ROBO2: variants seen among roughly 807,000 people sequenced by gnomAD.
ROBO2 encodes roundabout guidance receptor 2, also known as roundabout homolog 2.
In ROBO2, 53 loss-of-function variants were observed where a neutral mutation model predicts 160.8. The observed-to-expected ratio is 0.33, with a 90% CI of 0.26 to 0.41. The LOEUF is 0.41. Among genes scored for constraint, ROBO2 ranks in the 10% least tolerant of loss-of-function variants. The pLI, the probability that ROBO2 is intolerant of heterozygous loss-of-function variation, is 1.00. For synonymous variants in ROBO2, 664 were observed against 611.7 expected, an observed-to-expected ratio of 1.09 and a Z score of -1.26; for missense variants, 1,577 against 1,722.4, an observed-to-expected ratio of 0.92 and a Z score of 1.49.
At chr3:76,888,460 C>T (rs987839994) in intron 2 of ROBO2, among the ~76,000 whole-genome samples, 6 of 152,022 alleles carry the variant, frequency 3.9e-5, no homozygotes, top group African/African-American at 1.2e-4. Flanking sequence ...AACTTGCTTA[C>T]TATAAATAGG....
intron 1 of ROBO2, chr3:77,092,030 G>T (rs926864361): frequency 6.8e-6 from 1 of 147,446 alleles, no homozygotes; most frequent in African/African-American, 2.5e-5. Flanking sequence ...TAAATAAAAA[G>T]AATCTGTATT....
chr3:75,956,070 G>T (rs1225345209), intron 2 of ROBO2, among the ~76,000 whole-genome samples: 1 of 151,688 alleles, frequency 6.6e-6, no homozygotes, highest in Non-Finnish European at 1.5e-5. Context: ...ATCACTGTTG[G>T]CACATGATAT....
chr3:76,810,200 C>T (rs1183436563), intron 2 of ROBO2, among the ~76,000 whole-genome samples: 1 of 151,926 alleles, frequency 6.6e-6, no homozygotes, highest in Non-Finnish European at 1.5e-5. Flanking sequence ...TATTGGAGGG[C>T]AGAGAAATGT....
At chr3:76,083,925 CCA>C (rs1388358672) in intron 2 of ROBO2, among the ~76,000 whole-genome samples, 1 of 152,054 alleles carries the variant, frequency 6.6e-6, no homozygotes, top group African/African-American at 2.4e-5. Flanking sequence ...AATTTGAAAG[CCA>C]TCCATTGGTA....
chr3:76,311,990 T>A (rs543137986), intron 2 of ROBO2, among the ~76,000 whole-genome samples: 2 of 152,182 alleles, frequency 1.3e-5, no homozygotes, highest in Admixed American at 6.5e-5. Flanking sequence ...TGTTGAAAAA[T>A]TATCGTGAGA....
intron 2 of ROBO2, among the ~76,000 whole-genome samples, chr3:77,318,762 C>T (rs1474526888): frequency 6.6e-6 from 1 of 151,980 alleles, no homozygotes; most frequent in Non-Finnish European, 1.5e-5. Context: ...CAGTAATTGC[C>T]CTGTAAGTTG....
Position 76,023,048 on chromosome 3 carries a change from A to G in ROBO2, c.109+85446A>G, listed in dbSNP as rs2066622156. Among the ~76,000 whole-genome samples, 3 of 151,670 alleles carry G rather than the reference A, an allele frequency of 2.0e-5. No homozygotes were observed. The South Asian group carries it at 6.2e-4, about 31-fold the overall frequency. ...CACCTTGCACTTTTTTTTATTTTGG[A>G]GATGGCTTCTTTCCTTAAAAATTAT... On this transcript the variant is annotated intron_variant, in intron 2 of 26. Coordinates refer to the ROBO2 transcript ENST00000487694.
chr3:76,948,579 ATTTTTTTT>A (rs757654181), intron 2 of ROBO2, among the ~76,000 whole-genome samples: 27 of 93,664 alleles, frequency 2.9e-4, no homozygotes, highest in African/African-American at 4.0e-4. Context: ...TTATAATCTA[ATTTTTTTT>A]TTTTTTTTTT....
At chr3:77,621,919 C>T (rs921080616) in intron 22 of ROBO2, among the ~76,000 whole-genome samples, 3 of 152,088 alleles carry the variant, frequency 2.0e-5, no homozygotes, top group African/African-American at 7.2e-5. Flanking sequence ...TAAATAGTTA[C>T]TCGTGGCGAA....
At chr3:77,106,727 A>G (rs1006533034) in intron 2 of ROBO2, among the ~76,000 whole-genome samples, 8 of 152,348 alleles carry the variant, frequency 5.3e-5, no homozygotes, top group Middle Eastern at 6.8e-3. Context: ...TCTCTCCACT[A>G]TATACCATTA....
chr3:76,119,483 T>G (rs925885957), intron 2 of ROBO2, among the ~76,000 whole-genome samples: 4 of 151,740 alleles, frequency 2.6e-5, no homozygotes, highest in East Asian at 1.9e-4. Context: ...TTATAATTAT[T>G]TAGTGGTCCA....
intron 2 of ROBO2, among the ~76,000 whole-genome samples, chr3:76,032,616 C>T (rs567399291): frequency 2.6e-4 from 39 of 152,206 alleles, no homozygotes; most frequent in African/African-American, 8.2e-4. Context: ...TGTTATTTTT[C>T]CAGTAGTCAT....
chr3:76,697,889 A>G (rs1005544697), intron 2 of ROBO2, among the ~76,000 whole-genome samples: 9 of 152,324 alleles, frequency 5.9e-5, no homozygotes, highest in African/African-American at 1.9e-4. Flanking sequence ...AGCAGGTGGC[A>G]TTTGAATAGT....
intron 2 of ROBO2, among the ~76,000 whole-genome samples, chr3:76,141,898 C>T (rs766983775): frequency 2.6e-5 from 4 of 151,868 alleles, no homozygotes; most frequent in Non-Finnish European, 4.4e-5. Flanking sequence ...CTTTTTTATC[C>T]CCAGACTCTA....
At chr3:76,646,005 G>A (rs979987159) in intron 2 of ROBO2, among the ~76,000 whole-genome samples, 13 of 152,160 alleles carry the variant, frequency 8.5e-5, no homozygotes, top group Admixed American at 7.9e-4. Context: ...CATAAAAAAG[G>A]TGAGTTGGGC....
chr3:77,329,043 T>C (rs537018381), intron 2 of ROBO2, among the ~76,000 whole-genome samples: 1 of 152,328 alleles, frequency 6.6e-6, no homozygotes, highest in Admixed American at 6.5e-5. Flanking sequence ...TATTGCTTTC[T>C]GATGTGTTGA....
intron 2 of ROBO2, among the ~76,000 whole-genome samples, chr3:77,474,806 C>T (rs763680567): frequency 1.3e-5 from 2 of 152,056 alleles, no homozygotes; most frequent in South Asian, 2.1e-4. Flanking sequence ...TTGTTTTTAT[C>T]GGCTACGATA....
chr3:76,963,153 T>C (rs945700956), intron 2 of ROBO2, among the ~76,000 whole-genome samples: 11 of 81,916 alleles, frequency 1.3e-4, no homozygotes, highest in African/African-American at 5.7e-4. Context: ...GTCCCTTTAA[T>C]AAAGATTATT....
chr3:76,119,916 C>CCCTCCCTT lies in ROBO2; in HGVS notation c.109+182317_109+182318insCCCTTCCT, dbSNP rs1377854643. Among the ~76,000 whole-genome samples the CCCTCCCTT allele has an allele frequency of 2.6e-3, 231 of 88,156 alleles. 4 individuals are homozygous for CCCTCCCTT. Among genetic ancestry groups the CCCTCCCTT allele is most frequent in the Middle Eastern group, 0.013 (2 of 156 alleles). 57.8% of individuals were successfully genotyped at this position (88,156 alleles called of 152,430 possible). ...CCTTCCTTCCCTTCCTTCCCTCCCT[C>CCCTCCCTT]CCTTCCTTCCTTCCTTCCTTCCTTC... On this transcript the variant is annotated intron_variant, in intron 2 of 26. Transcript: ENST00000487694.
Sources: gnomAD v4.1 joint callset for allele counts (sites outside exome capture counted in the v4.1 genomes callset) on GRCh38, gnomAD v4.1.1 for gene constraint, MANE v1.5 for transcripts, NCBI Gene and HGNC (gene_info 2026-07-23, HGNC 2026-07-21) for gene names.